Variants in SRGAP3 observed in about 807,000 individuals in gnomAD.
SRGAP3 encodes the protein SLIT-ROBO Rho GTPase-activating protein 3.
In SRGAP3, 39 loss-of-function variants were observed where a neutral mutation model predicts 121.1. The observed-to-expected ratio is 0.32, with a 90% CI of 0.25 to 0.42. SRGAP3 has a LOEUF of 0.42. SRGAP3 is among the 10% of genes least tolerant of loss of function. SRGAP3 has a pLI of 1.00. For synonymous variants in SRGAP3, 601 were observed against 570.0 expected, an observed-to-expected ratio of 1.05 and a Z score of -0.77; for missense variants, 1,213 against 1,470.6, an observed-to-expected ratio of 0.82 and a Z score of 2.86.
chr3:8,997,005 A>C (rs1942444212), intron 18 of SRGAP3, among the ~76,000 whole-genome samples: 2 of 152,186 alleles, frequency 1.3e-5, no homozygotes, highest in African/African-American at 2.4e-5. Context: ...GGGAGCAGAC[A>C]ATGTGAGGGA....
intron 3 of SRGAP3, among the ~76,000 whole-genome samples, chr3:9,085,425 G>A (rs1194129894): frequency 3.3e-5 from 5 of 151,434 alleles, no homozygotes; most frequent in Non-Finnish European, 7.4e-5. Context: ...GATCTAAAGT[G>A]AAAAATACCA....
At chr3:8,993,677 C>G (rs1942209123) in intron 19 of SRGAP3, among the ~76,000 whole-genome samples, 1 of 152,202 alleles carries the variant, frequency 6.6e-6, no homozygotes, top group Non-Finnish European at 1.5e-5. Context: ...GGCCTTTTCT[C>G]TGGCTGAGAC....
At chr3:9,067,289 T>C (rs1341238274) in intron 4 of SRGAP3, among the ~76,000 whole-genome samples, 2 of 152,122 alleles carry the variant, frequency 1.3e-5, no homozygotes, top group Middle Eastern at 3.2e-3. Context: ...TTCTCCCTTC[T>C]TCCTTCATCC....
intron 1 of SRGAP3, among the ~76,000 whole-genome samples, chr3:9,142,456 T>C (rs1195288826): frequency 6.6e-6 from 1 of 152,220 alleles, no homozygotes; most frequent in Admixed American, 6.5e-5. Flanking sequence ...ACACTTCGGC[T>C]CAGAGTGAGC....
chr3:9,254,336 A>T (rs972509157), upstream of SRGAP3, among the ~76,000 whole-genome samples: 5 of 152,224 alleles, frequency 3.3e-5, no homozygotes, highest in African/African-American at 1.2e-4. Context: ...AAGTCAAAGA[A>T]ATACACAGAT....
intron 14 of SRGAP3, among the ~76,000 whole-genome samples, chr3:9,022,852 A>G (rs1314653468): frequency 6.6e-6 from 1 of 152,162 alleles, no homozygotes; most frequent in Admixed American, 6.5e-5. Flanking sequence ...AAAAAGGAAA[A>G]AATATTTTTT....
chr3:9,117,550 A>C (rs1051386785), intron 2 of SRGAP3, among the ~76,000 whole-genome samples: 3 of 152,236 alleles, frequency 2.0e-5, no homozygotes, highest in African/African-American at 7.2e-5. Flanking sequence ...AATCATATTT[A>C]AATAGAACTC....
At chr3:9,237,410 G>A (rs1953453775) in intron 1 of SRGAP3, among the ~76,000 whole-genome samples, 1 of 152,122 alleles carries the variant, frequency 6.6e-6, no homozygotes, top group African/African-American at 2.4e-5. Flanking sequence ...AGAAATCAAA[G>A]CTCTTATTGA....
intron 1 of SRGAP3, chr3:9,349,121 T>C: frequency 2.4e-6 from 2 of 821,956 alleles, no homozygotes; most frequent in Non-Finnish European, 4.2e-6. Context: ...ACCCATACAG[T>C]TCCTGGGGGA....
intron 8 of SRGAP3, among the ~76,000 whole-genome samples, chr3:9,055,773 A>G (rs989011653): frequency 6.6e-6 from 1 of 152,236 alleles, no homozygotes; most frequent in African/African-American, 2.4e-5. Flanking sequence ...ATAGCAACTA[A>G]TAACATTTAA....
At chr3:9,322,620 T>C (rs1329763551) in intron 3 of SRGAP3, among the ~76,000 whole-genome samples, 1 of 151,794 alleles carries the variant, frequency 6.6e-6, no homozygotes, top group Non-Finnish European at 1.5e-5. Flanking sequence ...ATGCAAGGGA[T>C]GTAGGTTGCA....
chr3:9,191,463 C>T (rs977142729), intron 1 of SRGAP3, among the ~76,000 whole-genome samples: 5 of 152,318 alleles, frequency 3.3e-5, no homozygotes, highest in Middle Eastern at 3.4e-3. Context: ...CCACAAATTA[C>T]GGCACGCATT....
At chr3:9,324,332 A>G (rs1264101909) in intron 3 of SRGAP3, among the ~76,000 whole-genome samples, 1 of 151,804 alleles carries the variant, frequency 6.6e-6, no homozygotes, top group Non-Finnish European at 1.5e-5. Flanking sequence ...CAATTTTGAG[A>G]GATTGACCAA....
At chr3:9,057,399 A>G (rs1449054458) in intron 7 of SRGAP3, among the ~76,000 whole-genome samples, 1 of 152,246 alleles carries the variant, frequency 6.6e-6, no homozygotes, top group African/African-American at 2.4e-5. Context: ...AGTGGTCACC[A>G]TGAGGCCAGC....
chr3:9,007,220 T>G (rs1166227530), intron 18 of SRGAP3: 1 of 152,158 alleles, frequency 6.6e-6, no homozygotes, highest in Non-Finnish European at 1.5e-5. Context: ...TCTGCCCACC[T>G]CAACTTCCCA....
intron 3 of SRGAP3, among the ~76,000 whole-genome samples, chr3:9,280,970 T>TG (rs143078938): frequency 0.066 from 9,962 of 151,254 alleles, 1,101 homozygotes; most frequent in African/African-American, 0.23. Flanking sequence ...CCTGAATTGT[T>TG]GGGGGTGGTG....
At chr3:9,257,731 G>T (rs1251732864) in intron 3 of SRGAP3, among the ~76,000 whole-genome samples, 1 of 72,532 alleles carries the variant, frequency 1.4e-5, no homozygotes, top group Admixed American at 2.0e-4. Context: ...TTTTGAGACA[G>T]TCTCACTCTG....
intron 1 of SRGAP3, among the ~76,000 whole-genome samples, chr3:9,189,764 CCT>C (rs780516878): frequency 2.0e-5 from 3 of 152,164 alleles, no homozygotes; most frequent in Non-Finnish European, 2.9e-5. Flanking sequence ...TGAGTCCACC[CCT>C]GTCATTTTCA....
chr3:9,360,896 AG>A (rs1386396350), intron 1 of SRGAP3, among the ~76,000 whole-genome samples: 1 of 152,210 alleles, frequency 6.6e-6, no homozygotes, highest in Non-Finnish European at 1.5e-5. Context: ...TATTTTCATC[AG>A]CAATGTATAA....
Sources: allele counts gnomAD v4.1 joint callset (sites outside exome capture counted in the v4.1 genomes callset), GRCh38; gene constraint gnomAD v4.1.1; transcripts MANE v1.5; gene names NCBI Gene and HGNC (gene_info 2026-07-23, HGNC 2026-07-21).